The following RUNX2 variants were observed in gnomAD, a reference collection of about 807,000 sequenced individuals.
RUNX2 encodes RUNX family transcription factor 2, also known as runt-related transcription factor 2.
In RUNX2, 10 loss-of-function variants were observed where a neutral mutation model predicts 51.7. That is an observed-to-expected ratio of 0.19 (90% CI 0.12 to 0.33). The LOEUF (loss-of-function observed/expected upper bound fraction) is 0.33, where lower values mean the gene tolerates loss of function less well. RUNX2 is among the 10% of genes least tolerant of loss of function. The pLI is 1.00. For missense variants in RUNX2, 562 were observed against 691.3 expected, an observed-to-expected ratio of 0.81 and a Z score of 2.10; for synonymous variants, 276 against 273.6, an observed-to-expected ratio of 1.01 and a Z score of -0.09.
chr6:45,489,788 C>G (rs1739914487), intron 5 of RUNX2, among the ~76,000 whole-genome samples: 1 of 152,102 alleles, frequency 6.6e-6, no homozygotes, highest in African/African-American at 2.4e-5. Context: ...CTAGTTAGAC[C>G]CAGCAAGATG....
In RUNX2 at chr6:45,400,687, T is replaced by C. The variant is rs559899567; in HGVS notation, c.59-21906T>C. Among the ~76,000 whole-genome samples the C allele has an allele frequency of 3.3e-5, 5 of 152,334 alleles. No individual in the cohort carries two copies. In the South Asian group the frequency reaches 8.3e-4, roughly 25 times the overall value. On this transcript the variant is annotated intron_variant, in intron 2 of 8. Coordinates refer to ENST00000647337, the MANE Select transcript of RUNX2 (RefSeq NM_001024630.4). Reference sequence around the variant, plus strand: ...TTTTATTTCAGTCTCTCTGCATCTATTTACACTTAGAACCCAGCCGTTTTC... The same window carrying C: ...TTTTATTTCAGTCTCTCTGCATCTACTTACACTTAGAACCCAGCCGTTTTC...
chr6:45,543,579 T>C (rs1167740469), intron 7 of RUNX2, among the ~76,000 whole-genome samples: 1 of 152,244 alleles, frequency 6.6e-6, no homozygotes, highest in Non-Finnish European at 1.5e-5. Context: ...GCACTGCTTT[T>C]AGAACTCTAG....
At chr6:45,380,593 T>C (rs1236971900) in intron 2 of RUNX2, among the ~76,000 whole-genome samples, 1 of 152,176 alleles carries the variant, frequency 6.6e-6, no homozygotes, top group Admixed American at 6.5e-5. Context: ...TTATTATTTT[T>C]TGAGACAGAG....
At chr6:45,478,244 C>A (rs940186937) in intron 5 of RUNX2, among the ~76,000 whole-genome samples, 2 of 152,184 alleles carry the variant, frequency 1.3e-5, no homozygotes, top group Middle Eastern at 3.4e-3. Context: ...TCCAGTATAC[C>A]GTGAGCACCC....
At chr6:45,379,812 G>A (rs1797193262) in intron 2 of RUNX2, among the ~76,000 whole-genome samples, 1 of 152,036 alleles carries the variant, frequency 6.6e-6, no homozygotes, top group East Asian at 1.9e-4. Context: ...GTTGCAGGGA[G>A]CCGAGATCAC....
Position 45,474,683 on chromosome 6 carries a change from C to A in RUNX2, c.686-17258C>A, listed in dbSNP as rs562336435. 2.6e-5 allele frequency among the ~76,000 whole-genome samples: 4 copies of A among 152,154 alleles called. No homozygotes were observed. In the South Asian group the frequency reaches 8.3e-4, roughly 32 times the overall value. On this transcript the variant is annotated intron_variant, in intron 5 of 8. Transcript: ENST00000647337. ...AGATGTTGAGTCCAGCTTTTCATTT[C>A]TTATCCTAGAGGAAGAAGGCAAAAT...
chr6:45,460,283 A>G (rs1409823497), intron 5 of RUNX2, among the ~76,000 whole-genome samples: 1 of 152,206 alleles, frequency 6.6e-6, no homozygotes, highest in Non-Finnish European at 1.5e-5. Context: ...AAGAGTCCCA[A>G]AGAATGTGGT....
chr6:45,441,095 C>A (rs142286234), intron 5 of RUNX2, among the ~76,000 whole-genome samples: 18 of 152,212 alleles, frequency 1.2e-4, no homozygotes, highest in African/African-American at 3.6e-4. Context: ...AATTTATATG[C>A]AATTGTTTAG....
chr6:45,523,871 G>A (rs1801584754), intron 7 of RUNX2, among the ~76,000 whole-genome samples: 1 of 151,990 alleles, frequency 6.6e-6, no homozygotes, highest in Non-Finnish European at 1.5e-5. Flanking sequence ...GGCGGAGGTT[G>A]CAGTGAGCTG....
At chr6:45,365,840 G>C (rs1049211198) in intron 2 of RUNX2, among the ~76,000 whole-genome samples, 1 of 150,908 alleles carries the variant, frequency 6.6e-6, no homozygotes, top group African/African-American at 2.4e-5. Context: ...TTGAACAAAA[G>C]CCTAAAATAC....
At chr6:45,521,715 G>T (rs1404997826) in intron 7 of RUNX2, among the ~76,000 whole-genome samples, 1 of 151,774 alleles carries the variant, frequency 6.6e-6, no homozygotes, top group East Asian at 1.9e-4. Flanking sequence ...ACCTCTGCCT[G>T]TTTTTTTTGA....
chr6:45,418,397 T>C (rs1490131120), intron 2 of RUNX2, among the ~76,000 whole-genome samples: 1 of 152,178 alleles, frequency 6.6e-6, no homozygotes, highest in African/African-American at 2.4e-5. Context: ...GTTTGTATCT[T>C]CCAGAGTTGC....
At chr6:45,437,515 A>G (rs1798716913) in intron 4 of RUNX2, among the ~76,000 whole-genome samples, 1 of 152,208 alleles carries the variant, frequency 6.6e-6, no homozygotes. Context: ...TGAAGTAAAT[A>G]ACATAATCAA....
chr6:45,366,397 T>G (rs1201829803), intron 2 of RUNX2, among the ~76,000 whole-genome samples: 1 of 152,164 alleles, frequency 6.6e-6, no homozygotes, highest in Non-Finnish European at 1.5e-5. Context: ...CTCACCTTCT[T>G]AGGGCTGTTG....
intron 2 of RUNX2, among the ~76,000 whole-genome samples, chr6:45,383,152 G>C (rs1252347388): frequency 2.0e-5 from 3 of 152,020 alleles, no homozygotes; most frequent in African/African-American, 7.2e-5. Context: ...AATAAGTTCT[G>C]GGCCGGGCAC....
intron 5 of RUNX2, among the ~76,000 whole-genome samples, chr6:45,484,049 C>T (rs1267825231): frequency 6.6e-6 from 1 of 152,116 alleles, no homozygotes; most frequent in African/African-American, 2.4e-5. Context: ...GATTTGGGGG[C>T]AGAAAGAATT....
chr6:45,434,314 A>G (rs1798622418), intron 4 of RUNX2, among the ~76,000 whole-genome samples: 1 of 152,118 alleles, frequency 6.6e-6, no homozygotes, highest in African/African-American at 2.4e-5. Flanking sequence ...TGATTTTCAC[A>G]CTTCTACATT....
chr6:45,413,429 C>A, intron 2 of RUNX2, among the ~76,000 whole-genome samples: 1 of 56,636 alleles, frequency 1.8e-5, no homozygotes, highest in East Asian at 5.5e-4. Context: ...AAGATACATT[C>A]TTTTTTTTTT....
intron 6 of RUNX2, among the ~76,000 whole-genome samples, chr6:45,507,459 T>A (rs1418871388): frequency 2.0e-5 from 3 of 152,150 alleles, no homozygotes; most frequent in African/African-American, 7.2e-5. Context: ...AAATTGTTTA[T>A]GAGATCAGGT....
Sources: allele counts gnomAD v4.1 joint callset (sites outside exome capture counted in the v4.1 genomes callset), GRCh38; gene constraint gnomAD v4.1.1; transcripts MANE v1.5; gene names NCBI Gene and HGNC (gene_info 2026-07-23, HGNC 2026-07-21).